EDN3: variants seen among roughly 807,000 people sequenced by gnomAD.
EDN3 encodes endothelin-3.
A neutral mutation model predicts 21.4 loss-of-function variants in EDN3; 9 were observed. The observed-to-expected ratio is 0.42, with a 90% CI of 0.25 to 0.73. The LOEUF (loss-of-function observed/expected upper bound fraction) is 0.73, where lower values mean the gene tolerates loss of function less well. EDN3 is among the 30% of genes least tolerant of loss of function. The pLI, the probability that EDN3 is intolerant of heterozygous loss-of-function variation, is 0.26. For synonymous variants in EDN3, 133 were observed against 126.2 expected (o/e 1.05, Z -0.36); for missense variants, 327 against 309.4 (o/e 1.06, Z -0.43).
At position 59,307,875 on chromosome 20, in the gene EDN3, C is replaced by T. The variant is rs11570285; in HGVS notation, c.365+6153C>T. On this transcript the variant is annotated intron_variant, in intron 2 of 4. Coordinates refer to ENST00000337938, the MANE Select transcript of EDN3 (RefSeq NM_207034.3). ...AATTTTTTTTTTTTTTTGTAGAGAT[C>T]GGGTCTTGTTACATTGTTAGGGCTG... is the stretch of plus-strand genomic sequence containing the variant. Among the ~76,000 whole-genome samples the T allele has an allele frequency of 9.5e-5, 14 of 147,020 alleles. No homozygotes were observed. The East Asian group carries it at 1.4e-3, about 15-fold the overall frequency.
chr20:59,305,853 A>G lies in EDN3; in HGVS notation c.365+4131A>G, dbSNP rs1371313573. Among the ~76,000 whole-genome samples, 2 of 152,242 alleles carry G rather than the reference A, an allele frequency of 1.3e-5. No individual in the cohort carries two copies. Among genetic ancestry groups the G allele is most frequent in the Non-Finnish European group, 2.9e-5 (2 of 68,054 alleles). ...CTTTGCTCAAAGTCTACTGATTTAA[A>G]TGTTAATCACATATCAAAAATACCT... On this transcript the variant is annotated intron_variant, in intron 2 of 4. Transcript: ENST00000337938. This position sits in a 1 kb window ranked among gnomAD's most constrained non-coding sequence, Gnocchi z 4.2.
chr20:59,306,595 T>TAAAAAAAAA (rs57144708), intron 2 of EDN3, among the ~76,000 whole-genome samples: 43 of 62,434 alleles, frequency 6.9e-4, no homozygotes, highest in African/African-American at 3.3e-3. Flanking sequence ...GCATAAAGAG[T>TAAAAAAAAA]AAAAAAAAAA....
At position 59,325,349 on chromosome 20, in the gene EDN3, T is replaced by C. The variant is rs2146893221; in HGVS notation, c.*890T>C. ...TTTGTAAATTATGTAAATTCCTGTT[T>C]ATATAAATTGGCAACAACTTATACC... On this transcript the variant is annotated 3_prime_UTR_variant, in exon 5 of 5. Coordinates refer to ENST00000337938, the MANE Select transcript of EDN3 (RefSeq NM_207034.3). 6.5e-6 allele frequency: 1 copy of C among 152,756 alleles called. No individual in the cohort carries two copies. The highest frequency in any genetic ancestry group is 1.5e-5 in the Non-Finnish European group (1 of 68,032). The allele number at this position is 152,756 out of a possible 1,614,324, so 9.5% of individuals were successfully genotyped here. A position where few individuals can be genotyped will look rare whatever the true frequency, so the allele number is the denominator to read the frequency against.
rs57144708 is a variant in EDN3, at chr20:59,306,595, T to TAAAAAAAAAAAAAAA, written c.365+4883_365+4897dup. Among the ~76,000 whole-genome samples, 123 of 62,370 alleles carry TAAAAAAAAAAAAAAA rather than the reference T, an allele frequency of 2.0e-3. 1 individual carries two copies. The highest frequency in any genetic ancestry group is 5.6e-3 in the African/African-American group (67 of 12,006). The allele number at this position is 62,370 out of a possible 152,430, so 40.9% of individuals were successfully genotyped here. On this transcript the variant is annotated intron_variant, in intron 2 of 4. Coordinates refer to ENST00000337938, the MANE Select transcript of EDN3 (RefSeq NM_207034.3). Reference sequence around the variant, plus strand: ...TTTTCTCCCCTAAATGCATAAAGAGTAAAAAAAAAAAAAAAAAAAAAAAAG... The same window carrying TAAAAAAAAAAAAAAA: ...TTTTCTCCCCTAAATGCATAAAGAGTAAAAAAAAAAAAAAAAAAAAAAAAAAAAAAAAAAAAAAAG...
chr20:59,301,340 T>G, intron 1 of EDN3, 70 bp from the exon 2 acceptor site: 6 of 1,526,932 alleles, frequency 3.9e-6, no homozygotes, highest in African/African-American at 1.4e-5. Context: ...CCTCCTCAGG[T>G]GTTTGGGGGT....
chr20:59,315,174 T>A (rs949941772), intron 2 of EDN3, among the ~76,000 whole-genome samples: 2 of 152,228 alleles, frequency 1.3e-5, no homozygotes, highest in African/African-American at 4.8e-5. Flanking sequence ...GGGAATGTAA[T>A]AAAGTCTGAA....
intron 2 of EDN3, among the ~76,000 whole-genome samples, chr20:59,307,736 A>T (rs1387507206): frequency 6.6e-6 from 1 of 152,072 alleles, no homozygotes; most frequent in Non-Finnish European, 1.5e-5. Context: ...AAGTGCAGTG[A>T]TGCAATCATA....
chr20:59,321,249 G>A (rs949353997), intron 3 of EDN3, 56 bp downstream of exon 3: 16 of 1,585,480 alleles, frequency 1.0e-5, no homozygotes, highest in Non-Finnish European at 1.4e-5. Context: ...CCCTCGGCAA[G>A]GCCAGGCCAG....
rs138451394 is a variant in EDN3, at chr20:59,324,460, G to T, written c.*1G>T. 2.0e-5 allele frequency: 32 copies of T among 1,613,968 alleles called. No homozygotes were observed. In the African/African-American group the frequency reaches 3.3e-4, roughly 17 times the overall value. On this transcript the variant is annotated 3_prime_UTR_variant, in exon 5 of 5. Transcript: ENST00000337938. ...CCTCTTTCAGGAAGGAGCCCCTTAG[G>T]AGGACAGGCCTGCAGCATCCTGGTC... is the stretch of plus-strand genomic sequence containing the variant.
rs1989036666 is a variant in EDN3, at chr20:59,301,595, G to T, written c.238G>T (p.Gly80Trp). ...GCAGGGTCCAAGCCCTGGAAGCCCT[G>T]GGCAGGAGCAGGCGGCCGAGGGGGC... ...ALQGPSPGSP[G>W]QEQAAEGAPE... The change falls in exon 2 of 5, where the codon GGG becomes TGG. Residue 80 changes from glycine (G) to tryptophan (W), a missense_variant. By Grantham distance (184) the Gly-to-Trp change is radical. Transcript: ENST00000337938. The T allele has an allele frequency of 1.2e-6, 2 of 1,613,894 alleles. No homozygotes were observed. The highest frequency in any genetic ancestry group is 1.7e-5 in the Admixed American group (1 of 60,012).
chr20:59,312,461 C>G (rs1324383357), intron 2 of EDN3, among the ~76,000 whole-genome samples: 1 of 152,194 alleles, frequency 6.6e-6, no homozygotes, highest in Non-Finnish European at 1.5e-5. Context: ...CCCCCTGGTG[C>G]TTCCTCCAAG....
At chr20:59,306,141 C>T (rs1989395364) in intron 2 of EDN3, among the ~76,000 whole-genome samples, 1 of 152,186 alleles carries the variant, frequency 6.6e-6, no homozygotes, top group Non-Finnish European at 1.5e-5. Flanking sequence ...CCTCTAAGGA[C>T]ATCTGAGGGA....
intron 2 of EDN3, among the ~76,000 whole-genome samples, chr20:59,314,394 T>A (rs1568836869): frequency 6.6e-6 from 1 of 152,008 alleles, no homozygotes; most frequent in Non-Finnish European, 1.5e-5. Context: ...AGAAACCTAG[T>A]CTAGCTGGCA....
At position 59,324,416 on chromosome 20, in the gene EDN3, C is replaced by T; in HGVS notation, c.674C>T (p.Pro225Leu). The part of the protein sequence containing the change: ...LMPGSGLALA[P>L]STCPRCLFQE... ...CCCGGCAGTGGACTCGCCCTCGCTC[C>T]ATCTACCTGCCCCCGCTGCCTCTTT... is the stretch of plus-strand genomic sequence containing the variant. Residue 225 changes from proline (P) to leucine (L), a missense_variant, in exon 5 of 5, where the codon CCA becomes CTA. Pro to Leu is a moderately conservative substitution (Grantham distance 98). Coordinates refer to ENST00000337938, the MANE Select transcript of EDN3 (RefSeq NM_207034.3). 1 of 1,614,170 alleles carries T rather than the reference C, an allele frequency of 6.2e-7. No homozygotes were observed. Among genetic ancestry groups the T allele is most frequent in the Non-Finnish European group, 8.5e-7 (1 of 1,180,040 alleles).
At chr20:59,318,745 A>G (rs1990347122) in intron 2 of EDN3, among the ~76,000 whole-genome samples, 1 of 152,242 alleles carries the variant, frequency 6.6e-6, no homozygotes, top group African/African-American at 2.4e-5. Flanking sequence ...ATTAACAAAT[A>G]CCATGTTGCC....
intron 2 of EDN3, among the ~76,000 whole-genome samples, chr20:59,309,357 A>C (rs1989643155): frequency 6.6e-6 from 1 of 152,124 alleles, no homozygotes; most frequent in African/African-American, 2.4e-5. Context: ...ATGCCTTGTA[A>C]TTTGCAGCTG....
intron 2 of EDN3, 55 bp from the exon 3 acceptor site, chr20:59,320,961 GC>G: frequency 6.2e-7 from 1 of 1,604,262 alleles, no homozygotes. Context: ...ACCCTTGGGG[GC>G]CCCTGAGCAG....
At chr20:59,316,736 C>T (rs1216965079) in intron 2 of EDN3, among the ~76,000 whole-genome samples, 1 of 152,092 alleles carries the variant, frequency 6.6e-6, no homozygotes, top group African/African-American at 2.4e-5. Context: ...TTTGGGAAAA[C>T]GTGACAAATA....
chr20:59,307,598 C>T (rs1208968440), intron 2 of EDN3, among the ~76,000 whole-genome samples: 1 of 152,220 alleles, frequency 6.6e-6, no homozygotes, highest in African/African-American at 2.4e-5. Context: ...CAGAGTGCCT[C>T]ACCTGGGTCA....
Sources: allele counts gnomAD v4.1 joint callset (sites outside exome capture counted in the v4.1 genomes callset), GRCh38; gene constraint gnomAD v4.1.1; non-coding constraint Gnocchi (gnomAD v3.1); transcripts MANE v1.5; gene names NCBI Gene and HGNC (gene_info 2026-07-23, HGNC 2026-07-21).